Variants in FAF1 observed in about 807,000 individuals in gnomAD.
The protein encoded by FAF1 is FAS-associated factor 1.
In FAF1, 25 loss-of-function variants were observed where a neutral mutation model predicts 92.5. The ratio of observed to expected loss-of-function variants is 0.27; its 90% CI spans 0.20 to 0.38. The LOEUF (loss-of-function observed/expected upper bound fraction) is 0.38. FAF1 is among the 10% of genes least tolerant of loss of function. The probability of loss-of-function intolerance (pLI) is 1.00; values close to 1 mark genes in which losing one functional copy is unlikely to be tolerated. For missense variants in FAF1, 636 were observed against 793.3 expected (o/e 0.80, Z 2.38); for synonymous variants, 234 against 273.2 (o/e 0.86, Z 1.42).
chr1:50,521,755 A>C (rs904171859), intron 15 of FAF1, among the ~76,000 whole-genome samples: 1 of 152,208 alleles, frequency 6.6e-6, no homozygotes, highest in Admixed American at 6.5e-5. Context: ...AGAATGCATT[A>C]CTGAGATATC....
chr1:50,750,594 TG>T (rs968249732), intron 4 of FAF1, among the ~76,000 whole-genome samples: 77 of 151,884 alleles, frequency 5.1e-4, no homozygotes, highest in African/African-American at 1.8e-3. Context: ...TTTGGAGTAA[TG>T]TTTTCGAGAT....
chr1:50,728,816 G>T (rs933371334), intron 6 of FAF1, among the ~76,000 whole-genome samples: 1 of 149,848 alleles, frequency 6.7e-6, no homozygotes, highest in Non-Finnish European at 1.5e-5. Flanking sequence ...AAAAGAAAAA[G>T]AAAACTAGTG....
chr1:50,821,501 G>A (rs1226335186), intron 2 of FAF1, among the ~76,000 whole-genome samples: 1 of 152,116 alleles, frequency 6.6e-6, no homozygotes, highest in African/African-American at 2.4e-5. Flanking sequence ...AATGTCTAAA[G>A]GCATAGAGCC....
intron 7 of FAF1, among the ~76,000 whole-genome samples, chr1:50,701,495 C>G (rs1013783362): frequency 6.6e-6 from 1 of 152,070 alleles, no homozygotes; most frequent in Non-Finnish European, 1.5e-5. Context: ...CAATAATTAG[C>G]ACAATCTGTG....
chr1:50,933,677 C>T (rs912933753), intron 1 of FAF1, among the ~76,000 whole-genome samples: 1 of 152,202 alleles, frequency 6.6e-6, no homozygotes, highest in African/African-American at 2.4e-5. Context: ...TCGGCAACGC[C>T]CCACTGTACT....
At chr1:50,531,334 A>G (rs1648154554) in intron 15 of FAF1, among the ~76,000 whole-genome samples, 1 of 152,206 alleles carries the variant, frequency 6.6e-6, no homozygotes, top group East Asian at 1.9e-4. Context: ...TTTGTGTTGA[A>G]TGAATAAACA....
chr1:50,793,416 A>G (rs780598282), intron 3 of FAF1, among the ~76,000 whole-genome samples: 12 of 152,234 alleles, frequency 7.9e-5, no homozygotes, highest in Admixed American at 2.0e-4. Context: ...GTGAAAAATT[A>G]GAATTGGAAG....
At chr1:50,548,567 A>T (rs1649144921) in intron 13 of FAF1, among the ~76,000 whole-genome samples, 1 of 152,228 alleles carries the variant, frequency 6.6e-6, no homozygotes, top group African/African-American at 2.4e-5. Context: ...GTCAGTGTGA[A>T]TAATTACAGT....
intron 8 of FAF1, among the ~76,000 whole-genome samples, chr1:50,618,338 C>T (rs897316251): frequency 4.6e-5 from 7 of 151,382 alleles, no homozygotes; most frequent in Non-Finnish European, 7.4e-5. Context: ...TGGTAATTTT[C>T]GCTAATACTG....
chr1:50,885,322 A>ACACACACACACACACACACACC (rs1644651296), intron 1 of FAF1, among the ~76,000 whole-genome samples: 1 of 117,910 alleles, frequency 8.5e-6, no homozygotes, highest in Admixed American at 8.5e-5. Context: ...TCACACACAC[A>ACACACACACACACACACACACC]CACTCTCTCT....
intron 2 of FAF1, among the ~76,000 whole-genome samples, chr1:50,847,852 T>C (rs566944951): frequency 1.6e-4 from 25 of 152,030 alleles, no homozygotes; most frequent in African/African-American, 6.0e-4. Flanking sequence ...CCCAAGGCTG[T>C]AAGGCTTTAG....
intron 13 of FAF1, among the ~76,000 whole-genome samples, chr1:50,554,668 G>A (rs973135953): frequency 6.6e-6 from 1 of 152,056 alleles, no homozygotes; most frequent in Non-Finnish European, 1.5e-5. Flanking sequence ...GGAAAGGGTA[G>A]CATGCTTATG....
chr1:50,487,080 C>G (rs1207674955), intron 17 of FAF1, among the ~76,000 whole-genome samples: 1 of 152,132 alleles, frequency 6.6e-6, no homozygotes, highest in Non-Finnish European at 1.5e-5. Context: ...GCCATTGTCA[C>G]ACATAACTTG....
At chr1:50,548,555 C>T (rs1012539755) in intron 13 of FAF1, among the ~76,000 whole-genome samples, 1 of 152,180 alleles carries the variant, frequency 6.6e-6, no homozygotes, top group Admixed American at 6.5e-5. Flanking sequence ...AATTCAAAGA[C>T]AGTCAGTGTG....
intron 7 of FAF1, among the ~76,000 whole-genome samples, chr1:50,679,690 C>A (rs138537372): frequency 6.6e-6 from 1 of 152,248 alleles, no homozygotes; most frequent in African/African-American, 2.4e-5. Context: ...AAAAGTATAA[C>A]ATTATGTAGT....
intron 8 of FAF1, among the ~76,000 whole-genome samples, chr1:50,599,703 G>A (rs1652005098): frequency 6.6e-6 from 1 of 152,122 alleles, no homozygotes; most frequent in Non-Finnish European, 1.5e-5. Flanking sequence ...TATAATGGAT[G>A]GGTTGAAGAA....
chr1:50,668,568 T>C (rs1246766202), intron 7 of FAF1, among the ~76,000 whole-genome samples: 2 of 152,144 alleles, frequency 1.3e-5, no homozygotes, highest in African/African-American at 4.8e-5. Context: ...GTGAATACAG[T>C]AGAGTTGGAA....
intron 8 of FAF1, among the ~76,000 whole-genome samples, chr1:50,599,045 G>A (rs2124093091): frequency 6.6e-6 from 1 of 152,196 alleles, no homozygotes; most frequent in African/African-American, 2.4e-5. Context: ...TCTTTCAGTA[G>A]TTCCATAAGG....
intron 7 of FAF1, among the ~76,000 whole-genome samples, chr1:50,700,046 C>T (rs1302324331): frequency 6.6e-6 from 1 of 152,052 alleles, no homozygotes; most frequent in African/African-American, 2.4e-5. Flanking sequence ...ACAAAAAAAA[C>T]TCCAATTGGC....
Sources: allele counts gnomAD v4.1 joint callset (sites outside exome capture counted in the v4.1 genomes callset), GRCh38; gene constraint gnomAD v4.1.1; transcripts MANE v1.5; gene names NCBI Gene and HGNC (gene_info 2026-07-23, HGNC 2026-07-21).